FOXJ3: variants seen among roughly 807,000 people sequenced by gnomAD.
FOXJ3 encodes the protein forkhead box protein J3.
A neutral mutation model predicts 76.1 loss-of-function variants in FOXJ3; 22 were observed. That is an observed-to-expected ratio of 0.29 (90% confidence interval 0.21 to 0.41). FOXJ3 has a LOEUF of 0.41. Among genes scored for constraint, FOXJ3 ranks in the 10% least tolerant of loss-of-function variants. The pLI is 1.00. For synonymous variants in FOXJ3, 269 were observed against 261.2 expected (o/e 1.03, Z -0.29); for missense variants, 613 against 762.1 (o/e 0.80, Z 2.30).
At chr1:42,202,411 TAA>T (rs10711887) in intron 6 of FOXJ3, among the ~76,000 whole-genome samples, 3 of 148,724 alleles carry the variant, frequency 2.0e-5, no homozygotes, top group Non-Finnish European at 3.0e-5. Context: ...TTGTTTACTG[TAA>T]AAAAAAAAAG....
chr1:42,264,619 A>C (rs139774887), intron 4 of FOXJ3, among the ~76,000 whole-genome samples: 6 of 152,264 alleles, frequency 3.9e-5, no homozygotes, highest in African/African-American at 1.4e-4. Flanking sequence ...TATTAAAACA[A>C]CAAAAAAAGG....
chr1:42,218,125 T>C (rs1647109248), intron 5 of FOXJ3, among the ~76,000 whole-genome samples: 1 of 152,218 alleles, frequency 6.6e-6, no homozygotes, highest in Non-Finnish European at 1.5e-5. Flanking sequence ...CAATTCTTCC[T>C]GTGCTCACTT....
intron 1 of FOXJ3, among the ~76,000 whole-genome samples, chr1:42,315,615 C>G (rs977708296): frequency 3.9e-5 from 6 of 152,196 alleles, no homozygotes; most frequent in African/African-American, 1.4e-4. Flanking sequence ...CGTCCTGAAC[C>G]CTAGCCTTGT....
At chr1:42,189,268 T>C (rs1433194437) in intron 10 of FOXJ3, 35 bp downstream of exon 10, 1 of 1,240,100 alleles carries the variant, frequency 8.1e-7, no homozygotes. Flanking sequence ...GGATCATGTG[T>C]ATTTGGTTAT....
At chr1:42,200,648 G>T (rs528440) in intron 6 of FOXJ3, among the ~76,000 whole-genome samples, 152,128 of 152,194 alleles carry the variant, frequency 1, 76,031 homozygotes, top group Middle Eastern at 1. Flanking sequence ...CTGGCTAATT[G>T]TTGTTATTTT....
At chr1:42,193,626 C>T (rs966623495) in intron 8 of FOXJ3, among the ~76,000 whole-genome samples, 1 of 152,074 alleles carries the variant, frequency 6.6e-6, no homozygotes, top group East Asian at 1.9e-4. Flanking sequence ...AAAGCCATTT[C>T]ACACACACAA....
intron 5 of FOXJ3, among the ~76,000 whole-genome samples, chr1:42,223,716 GTTAC>G (rs949617187): frequency 6.6e-6 from 1 of 152,144 alleles, no homozygotes; most frequent in African/African-American, 2.4e-5. Context: ...TCACATTTAT[GTTAC>G]TTAATTATAT....
At chr1:42,307,448 G>A (rs1251476261) in intron 2 of FOXJ3, among the ~76,000 whole-genome samples, 2 of 152,146 alleles carry the variant, frequency 1.3e-5, no homozygotes, top group South Asian at 2.1e-4. Flanking sequence ...CGCCTGTTAT[G>A]TCTATCTTTG....
intron 1 of FOXJ3, among the ~76,000 whole-genome samples, chr1:42,329,696 T>C (rs1267168817): frequency 6.6e-6 from 1 of 152,212 alleles, no homozygotes; most frequent in Non-Finnish European, 1.5e-5. Context: ...CTGAGAAGTT[T>C]TGAGCAGGGA....
chr1:42,189,136 T>C, intron 10 of FOXJ3, 167 bp downstream of exon 10: 1 of 624,778 alleles, frequency 1.6e-6, no homozygotes, highest in Non-Finnish European at 2.7e-6. Context: ...AGAACTTGTC[T>C]GTGACCCTCT....
At position 42,306,601 on chromosome 1, in the gene FOXJ3, C is replaced by T. The variant is rs888684353; in HGVS notation, c.44+4449G>A. Among the ~76,000 whole-genome samples, 17 of 152,106 alleles carry T rather than the reference C, an allele frequency of 1.1e-4. 1 individual carries two copies. The Middle Eastern group carries it at 0.017, about 152-fold the overall frequency. ...ACAGGCATGAGCCACGGTGCCCGGT[C>T]CCACTCTCTGAACTCTCACTCTTGC... On this transcript the variant is annotated intron_variant, in intron 2 of 12. Coordinates refer to ENST00000361346, the MANE Select transcript of FOXJ3 (RefSeq NM_014947.5).
intron 4 of FOXJ3, among the ~76,000 whole-genome samples, chr1:42,249,923 G>T (rs924056094): frequency 6.6e-6 from 1 of 152,194 alleles, no homozygotes; most frequent in Admixed American, 6.5e-5. Context: ...TTATTATACT[G>T]AAATGTGAGC....
At chr1:42,229,529 T>C (rs967895918) in intron 4 of FOXJ3, among the ~76,000 whole-genome samples, 12 of 152,174 alleles carry the variant, frequency 7.9e-5, no homozygotes, top group Admixed American at 6.5e-5. Context: ...TCTCAGATTC[T>C]GGTCTATGTA....
intron 1 of FOXJ3, among the ~76,000 whole-genome samples, chr1:42,323,448 G>C (rs1655551724): frequency 6.6e-6 from 1 of 152,098 alleles, no homozygotes; most frequent in Non-Finnish European, 1.5e-5. Flanking sequence ...AGGATAGTGT[G>C]GGGAACAGCC....
At chr1:42,215,230 C>T (rs1647042178) in intron 5 of FOXJ3, among the ~76,000 whole-genome samples, 1 of 151,434 alleles carries the variant, frequency 6.6e-6, no homozygotes, top group Non-Finnish European at 1.5e-5. Context: ...ATTATTTATG[C>T]TCAATGAAAT....
At chr1:42,320,118 G>C (rs1655345559) in intron 1 of FOXJ3, among the ~76,000 whole-genome samples, 1 of 152,130 alleles carries the variant, frequency 6.6e-6, no homozygotes, top group African/African-American at 2.4e-5. Flanking sequence ...ATCAGCTTCA[G>C]CTTTTAAAGA....
intron 2 of FOXJ3, among the ~76,000 whole-genome samples, chr1:42,290,363 A>G (rs1358261594): frequency 6.6e-6 from 1 of 152,172 alleles, no homozygotes; most frequent in Non-Finnish European, 1.5e-5. Flanking sequence ...CTGTTGTAAC[A>G]GTGCATCAGT....
intron 2 of FOXJ3, among the ~76,000 whole-genome samples, chr1:42,294,405 C>G (rs1027252975): frequency 3.9e-5 from 6 of 152,172 alleles, no homozygotes; most frequent in Non-Finnish European, 7.3e-5. Flanking sequence ...CCTAAATTTT[C>G]TCCCCCAGGA....
intron 1 of FOXJ3, among the ~76,000 whole-genome samples, chr1:42,312,424 C>T (rs1654869585): frequency 6.6e-6 from 1 of 152,134 alleles, no homozygotes; most frequent in Admixed American, 6.6e-5. Context: ...AGTTTGTAAC[C>T]TTTGGTTTAG....
Sources: allele counts gnomAD v4.1 joint callset (sites outside exome capture counted in the v4.1 genomes callset), GRCh38; gene constraint gnomAD v4.1.1; transcripts MANE v1.5; gene names NCBI Gene and HGNC (gene_info 2026-07-23, HGNC 2026-07-21).